Variants in PLB1 observed in about 807,000 individuals in gnomAD.
PLB1 encodes the protein phospholipase B1.
In PLB1, 242 loss-of-function variants were observed where a neutral mutation model predicts 227.4. That is an observed-to-expected ratio of 1.06 (90% CI 0.96 to 1.18). The LOEUF (loss-of-function observed/expected upper bound fraction) is 1.18, where lower values mean the gene tolerates loss of function less well. Among genes scored for constraint, PLB1 ranks in the 50% most tolerant of loss-of-function variants. The pLI, the probability that PLB1 is intolerant of heterozygous loss-of-function variation, is 0.00. For synonymous variants in PLB1, 757 were observed against 682.2 expected (o/e 1.11, Z -1.71); for missense variants, 1,858 against 1,816.3 (o/e 1.02, Z -0.42).
At chr2:28,621,269 T>C (rs561104382) in intron 49 of PLB1, among the ~76,000 whole-genome samples, 24 of 152,176 alleles carry the variant, frequency 1.6e-4, no homozygotes, top group African/African-American at 5.5e-4. Flanking sequence ...TATTACCGCC[T>C]CTCCAGGGCA....
intron 46 of PLB1, among the ~76,000 whole-genome samples, chr2:28,618,769 A>C (rs1449384235): frequency 6.6e-6 from 1 of 152,164 alleles, no homozygotes; most frequent in African/African-American, 2.4e-5. Context: ...TTACACACAC[A>C]CTGCCCCATG....
At chr2:28,534,066 GATTTA>G (rs1262573699) in intron 9 of PLB1, among the ~76,000 whole-genome samples, 22 of 152,152 alleles carry the variant, frequency 1.4e-4, no homozygotes, top group Admixed American at 6.5e-5. Context: ...GTATGAGAGA[GATTTA>G]ATATAGTGTT....
chr2:28,611,118 G>C (rs191132875), intron 43 of PLB1, among the ~76,000 whole-genome samples: 1 of 152,232 alleles, frequency 6.6e-6, no homozygotes, highest in East Asian at 1.9e-4. Context: ...AAGAAGGGGA[G>C]GGGGAGGAAA....
Position 28,598,713 on chromosome 2 carries a change from T to A in PLB1, c.2427T>A (p.Asn809Lys). 1 of 1,614,182 alleles carries A rather than the reference T, an allele frequency of 6.2e-7. No homozygotes were observed. The highest frequency in any genetic ancestry group is 8.5e-7 in the Non-Finnish European group (1 of 1,180,010). Reference sequence around the variant, plus strand: ...ACGCCGTGGGCACGGGTGATGCCAATGACACGAATGCATTCCTCAATCAAG... The same window carrying A: ...ACGCCGTGGGCACGGGTGATGCCAAAGACACGAATGCATTCCTCAATCAAG... Reference protein sequence around the residue: ...TGYAVGTGDANDTNAFLNQAV... With the variant: ...TGYAVGTGDAKDTNAFLNQAV... The change falls in exon 35 of 58, where the codon AAT becomes AAA. Residue 809 changes from asparagine (N) to lysine (K), a missense_variant. Coordinates refer to ENST00000327757, the MANE Select transcript of PLB1 (RefSeq NM_153021.5).
chr2:28,604,185 C>T (rs747345671), intron 40 of PLB1, 138 bp downstream of exon 40: 3 of 769,396 alleles, frequency 3.9e-6, no homozygotes, highest in Non-Finnish European at 4.3e-6. Context: ...AGCCTGGGTG[C>T]CTTCCTCTGT....
At position 28,597,867 on chromosome 2, in the gene PLB1, C is replaced by T. The variant is rs1683216707; in HGVS notation, c.2322-138C>T. On this transcript the variant is annotated intron_variant, in intron 33 of 57. Transcript: ENST00000327757. Reference sequence around the variant, plus strand: ...AAAAATTTTCTCAGAATTCCTCAAACTCAGAGATGGGTCTGGCCCATCTCA... The same window carrying T: ...AAAAATTTTCTCAGAATTCCTCAAATTCAGAGATGGGTCTGGCCCATCTCA... 30 of 806,184 alleles carry T rather than the reference C, an allele frequency of 3.7e-5. 1 individual carries two copies. Among genetic ancestry groups the T allele is most frequent in the South Asian group, 3.1e-4 (21 of 68,576 alleles). The allele number at this position is 806,184 out of a possible 1,614,324, so 49.9% of individuals were successfully genotyped here. A position where few individuals can be genotyped will look rare whatever the true frequency, so the allele number is the denominator to read the frequency against.
Position 28,518,473 on chromosome 2 carries a change from A to G in PLB1, c.125A>G (p.Lys42Arg). Reference sequence around the variant, plus strand: ...GTTCGTTTTCAATTGCAGACCCTGAAGAATTCTCCATTCCCATGCAACCCA... The same window carrying G: ...GTTCGTTTTCAATTGCAGACCCTGAGGAATTCTCCATTCCCATGCAACCCA... ...LEGQLWPETLKNSPFPCNPNK... is the reference protein window; with the variant it reads ...LEGQLWPETLRNSPFPCNPNK... Residue 42 changes from lysine (K) to arginine (R), a missense_variant, in exon 3 of 58, where the codon AAG (lysine) becomes AGG (arginine). Coordinates refer to ENST00000327757, the MANE Select transcript of PLB1 (RefSeq NM_153021.5). The G allele has an allele frequency of 6.2e-7, 1 of 1,611,836 alleles. No individual in the cohort carries two copies. The highest frequency in any genetic ancestry group is 1.1e-5 in the South Asian group (1 of 91,026).
At chr2:28,540,890 G>C (rs1452745458) in intron 12 of PLB1, among the ~76,000 whole-genome samples, 2 of 152,208 alleles carry the variant, frequency 1.3e-5, no homozygotes, top group African/African-American at 2.4e-5. Flanking sequence ...GGGTGAAGGG[G>C]TTGGGCGTGG....
At chr2:28,584,537 G>T (rs1164048383) in intron 25 of PLB1, among the ~76,000 whole-genome samples, 1 of 152,208 alleles carries the variant, frequency 6.6e-6, no homozygotes, top group African/African-American at 2.4e-5. Flanking sequence ...TCTTGGCAGG[G>T]TTTTTTAGAC....
intron 26 of PLB1, among the ~76,000 whole-genome samples, chr2:28,587,077 T>C (rs905819943): frequency 2.6e-5 from 4 of 152,202 alleles, no homozygotes; most frequent in Non-Finnish European, 5.9e-5. Flanking sequence ...AGCAGGCACC[T>C]GTGACTCTGG....
intron 4 of PLB1, among the ~76,000 whole-genome samples, chr2:28,520,580 C>T (rs1193603117): frequency 3.9e-5 from 6 of 152,162 alleles, no homozygotes; most frequent in Non-Finnish European, 7.3e-5. Context: ...AACTGAAACA[C>T]TCTACCCATG....
chr2:28,630,643 G>A lies in PLB1; in HGVS notation c.3876G>A (p.Lys1292=). Residue 1292 remains lysine (K), a synonymous_variant, in exon 54 of 58, where the codon AAG becomes AAA. Transcript: ENST00000327757. ...GCTCCCTGGAGAAGCAAGAACTGAA[G>A]AAAGTGAACTGGAACCTCCAGGTAA... ...SQSSLEKQEL[K]KVNWNLQHGI... is the part of the protein sequence containing the mutation. 1 of 1,613,156 alleles carries A rather than the reference G, an allele frequency of 6.2e-7. No homozygotes were observed. Among genetic ancestry groups the A allele is most frequent in the Non-Finnish European group, 8.5e-7 (1 of 1,179,588 alleles).
chr2:28,630,716 T>A, intron 54 of PLB1, 52 bp downstream of exon 54: 1 of 1,465,986 alleles, frequency 6.8e-7, no homozygotes. Flanking sequence ...CCCCCTGTAC[T>A]CCAAGGACTG....
chr2:28,589,440 C>T lies in PLB1; in HGVS notation c.1816-10C>T, dbSNP rs751835447. On this transcript the variant is annotated splice_polypyrimidine_tract_variant and intron_variant, in intron 26 of 57. Coordinates refer to ENST00000327757, the MANE Select transcript of PLB1 (RefSeq NM_153021.5). ...GACTGCCTGACATCTGTCCCCTTTT[C>T]CTCCTGCAGGAGAAGACCCACCAAC... 2 of 1,610,204 alleles carry T rather than the reference C, an allele frequency of 1.2e-6. No homozygotes were observed. Among genetic ancestry groups the T allele is most frequent in the Non-Finnish European group, 8.5e-7 (1 of 1,176,416 alleles).
chr2:28,510,235 A>G (rs1364370913), intron 1 of PLB1, among the ~76,000 whole-genome samples: 1 of 152,172 alleles, frequency 6.6e-6, no homozygotes, highest in East Asian at 1.9e-4. Context: ...TGGGGCAGGT[A>G]TTATCAACCT....
intron 4 of PLB1, among the ~76,000 whole-genome samples, chr2:28,524,844 C>CTT (rs779955635): frequency 0.078 from 8,285 of 106,430 alleles, 911 homozygotes; most frequent in African/African-American, 0.2. Context: ...CTCTCTCTCT[C>CTT]TTTTTTTTTT....
intron 52 of PLB1, 43 bp from the exon 53 acceptor site, chr2:28,629,051 C>T (rs776013356): frequency 1.9e-6 from 3 of 1,548,944 alleles, no homozygotes; most frequent in Non-Finnish European, 2.7e-6. Context: ...TTCCTCCCAG[C>T]AGTAGCCAGT....
chr2:28,595,398 A>G (rs1209689784), intron 33 of PLB1: 22 of 152,152 alleles, frequency 1.4e-4, no homozygotes, highest in Non-Finnish European at 4.4e-5. Flanking sequence ...GAATACATAG[A>G]CTACTGTGTC....
intron 13 of PLB1, among the ~76,000 whole-genome samples, chr2:28,542,777 C>T (rs1257448151): frequency 6.6e-6 from 1 of 152,236 alleles, no homozygotes; most frequent in East Asian, 1.9e-4. Flanking sequence ...TGTCTGGGAA[C>T]AGTCCCTCCC....
Sources: allele counts gnomAD v4.1 joint callset (sites outside exome capture counted in the v4.1 genomes callset), GRCh38; gene constraint gnomAD v4.1.1; transcripts MANE v1.5; gene names NCBI Gene and HGNC (gene_info 2026-07-23, HGNC 2026-07-21).